Variants in AGAP1 observed in about 807,000 individuals in gnomAD.
The protein encoded by AGAP1 is ArfGAP with GTPase domain, ankyrin repeat and PH domain 1, also known as arf-GAP with GTPase, ANK repeat and PH domain-containing protein 1.
In AGAP1, 29 loss-of-function variants were observed where a neutral mutation model predicts 105.3. That is an observed-to-expected ratio of 0.28 (90% CI 0.21 to 0.38). The LOEUF is 0.38. Ranked by LOEUF, AGAP1 falls within the 10% of genes least tolerant of loss-of-function variation. The pLI is 1.00. For synonymous variants in AGAP1, 509 were observed against 485.9 expected (o/e 1.05, Z -0.63); for missense variants, 998 against 1,165.1 (o/e 0.86, Z 2.09).
chr2:235,820,697 A>G (rs1228488837), intron 9 of AGAP1, among the ~76,000 whole-genome samples: 1 of 152,244 alleles, frequency 6.6e-6, no homozygotes, highest in Non-Finnish European at 1.5e-5. Flanking sequence ...ACAAATATAT[A>G]AAACAGCTAC....
Position 235,691,899 on chromosome 2 carries a change from A to C in AGAP1, c.164-17280A>C, listed in dbSNP as rs1949750617. Among the ~76,000 whole-genome samples the C allele has an allele frequency of 6.6e-6, 1 of 152,202 alleles. No individual in the cohort carries two copies. Among genetic ancestry groups the C allele is most frequent in the Admixed American group, 6.5e-5 (1 of 15,282 alleles). Reference sequence around the variant, plus strand: ...AACTTAGAGGCAAGGCAGGGATGCAAAATCGGAGTTCCTAGTAGAAACAGA... The same window carrying C: ...AACTTAGAGGCAAGGCAGGGATGCACAATCGGAGTTCCTAGTAGAAACAGA... On this transcript the variant is annotated intron_variant, in intron 1 of 17. Coordinates refer to ENST00000304032, the MANE Select transcript of AGAP1 (RefSeq NM_001037131.3). The surrounding 1 kb of genome is among the most constrained non-coding windows in gnomAD (Gnocchi z 4.4).
In AGAP1 at chr2:235,957,816, A is replaced by T. The variant is rs569916304; in HGVS notation, c.1484-10646A>T. ...TGCGTTTTAATTTACGAGTTCCTAC[A>T]ACGACTTCATCTTGAGTTCACAGGG... On this transcript the variant is annotated intron_variant, in intron 12 of 17. Coordinates refer to ENST00000304032, the MANE Select transcript of AGAP1 (RefSeq NM_001037131.3). This position sits in a 1 kb window ranked among gnomAD's most constrained non-coding sequence, Gnocchi z 4.6. 6.6e-6 allele frequency among the ~76,000 whole-genome samples: 1 copy of T among 152,312 alleles called. No homozygotes were observed. The highest frequency in any genetic ancestry group is 2.1e-4 in the South Asian group (1 of 4,818).
intron 6 of AGAP1, among the ~76,000 whole-genome samples, chr2:235,794,663 G>A (rs1957159731): frequency 6.6e-6 from 1 of 152,094 alleles, no homozygotes; most frequent in East Asian, 1.9e-4. Context: ...GTAGAGACGG[G>A]ATTTCACCAT....
intron 6 of AGAP1, among the ~76,000 whole-genome samples, chr2:235,763,570 G>T (rs1575378051): frequency 1.3e-5 from 2 of 152,322 alleles, no homozygotes; most frequent in African/African-American, 4.8e-5. Flanking sequence ...ATCTCTGGAA[G>T]TGAGACTGTG....
rs1235842776 is a variant in AGAP1, at chr2:235,971,414, G to A, written c.1645+2791G>A. ...GTAAAACACCCAAATTAAACATTCT[G>A]TTCTGGCCGGGCACAGTGGCTCACG... is the stretch of plus-strand genomic sequence containing the variant. On this transcript the variant is annotated intron_variant, in intron 13 of 17. Transcript: ENST00000304032. The surrounding 1 kb of genome is among the most constrained non-coding windows in gnomAD (Gnocchi z 4.8). Among the ~76,000 whole-genome samples the A allele has an allele frequency of 6.6e-6, 1 of 152,210 alleles. No homozygotes were observed. Among genetic ancestry groups the A allele is most frequent in the African/African-American group, 2.4e-5 (1 of 41,460 alleles).
intron 1 of AGAP1, among the ~76,000 whole-genome samples, chr2:235,651,529 T>A (rs1003020949): frequency 6.6e-6 from 1 of 152,132 alleles, no homozygotes; most frequent in Non-Finnish European, 1.5e-5. Flanking sequence ...AACCAATTAA[T>A]CTGAAACGCT....
chr2:235,730,555 C>T (rs1372220281), intron 3 of AGAP1, among the ~76,000 whole-genome samples: 2 of 151,008 alleles, frequency 1.3e-5, no homozygotes, highest in Non-Finnish European at 2.9e-5. Context: ...CATCATAGCC[C>T]ACTATACCTT....
At position 236,104,410 on chromosome 2, in the gene AGAP1, A is replaced by G. The variant is rs2059433310; in HGVS notation, c.2115-15782A>G. ...GACCTCAATCCTGCAGCCTCATCAA[A>G]TGACTCCCCAACAGGGGTGGATCCT... On this transcript the variant is annotated intron_variant, in intron 16 of 17. Transcript: ENST00000304032. The surrounding 1 kb of genome is among the most constrained non-coding windows in gnomAD (Gnocchi z 4.7). 6.6e-6 allele frequency among the ~76,000 whole-genome samples: 1 copy of G among 152,218 alleles called. No homozygotes were observed. Among genetic ancestry groups the G allele is most frequent in the South Asian group, 2.1e-4 (1 of 4,832 alleles).
In AGAP1 at chr2:235,843,452, T is replaced by G. The variant is rs1339112549; in HGVS notation, c.1050+36121T>G. On this transcript the variant is annotated intron_variant, in intron 9 of 17. Transcript: ENST00000304032. This position sits in a 1 kb window ranked among gnomAD's most constrained non-coding sequence, Gnocchi z 5.9. ...GCCCCACTTTCTTCCTGGAAAGGTATTTTCTGGGGCCAGGGAGCAATGTTA... is the reference window on the plus strand; with the variant it reads ...GCCCCACTTTCTTCCTGGAAAGGTAGTTTCTGGGGCCAGGGAGCAATGTTA... Among the ~76,000 whole-genome samples, 3 of 152,158 alleles carry G rather than the reference T, an allele frequency of 2.0e-5. No individual in the cohort carries two copies. In the East Asian group the frequency reaches 5.8e-4, roughly 29 times the overall value.
chr2:236,129,959 T>TG lies in AGAP1; in HGVS notation c.*5839dup, dbSNP rs1210270544. The TG allele has an allele frequency of 6.6e-6, 1 of 152,224 alleles. No individual in the cohort carries two copies. The highest frequency in any genetic ancestry group is 2.4e-5 in the African/African-American group (1 of 41,458). The allele number at this position is 152,224 out of a possible 1,614,324, so 9.4% of individuals were successfully genotyped here. A position where few individuals can be genotyped will look rare whatever the true frequency, so the allele number is the denominator to read the frequency against. The stretch of plus-strand genomic sequence containing the variant: ...GGTTTTGGTGTAAAATGACAGCACT[T>TG]GGTTTGGGGTTTTGCACCTGTTGGG... On this transcript the variant is annotated 3_prime_UTR_variant, in exon 18 of 18. Coordinates refer to ENST00000304032, the MANE Select transcript of AGAP1 (RefSeq NM_001037131.3). The surrounding 1 kb of genome is among the most constrained non-coding windows in gnomAD (Gnocchi z 6.2).
chr2:235,861,510 G>C (rs12473013), intron 9 of AGAP1, among the ~76,000 whole-genome samples: 37,369 of 152,174 alleles, frequency 0.25, 5,158 homozygotes, highest in East Asian at 0.38. Context: ...GAAGGCTTTC[G>C]TAGAGGACAT....
rs767674837 is a variant in AGAP1, at chr2:235,730,000, G to T, written c.311-10963G>T. Among the ~76,000 whole-genome samples the T allele has an allele frequency of 6.6e-6, 1 of 152,074 alleles. No homozygotes were observed. The highest frequency in any genetic ancestry group is 1.5e-5 in the Non-Finnish European group (1 of 68,028). ...AAAAGGCATAGAACAGTCAAATCAC[G>T]TAGGATTTCTTAGTTTCTCCATGCA... On this transcript the variant is annotated intron_variant, in intron 3 of 17. Transcript: ENST00000304032. This position sits in a 1 kb window ranked among gnomAD's most constrained non-coding sequence, Gnocchi z 5.0.
rs971195744 is a variant in AGAP1, at chr2:235,588,903, T to C, written c.163+94054T>C. Among the ~76,000 whole-genome samples the C allele has an allele frequency of 2.2e-4, 34 of 152,292 alleles. 1 individual carries two copies. The highest frequency in any genetic ancestry group is 4.6e-4 in the Non-Finnish European group (31 of 68,022). The stretch of plus-strand genomic sequence containing the variant: ...TGGGAAAGGTCCCGAGTGGCCTGCT[T>C]TCCTGGCTTATTTGAGAATTTTGCC... On this transcript the variant is annotated intron_variant, in intron 1 of 17. Transcript: ENST00000304032.
rs559080418 is a variant in AGAP1, at chr2:235,732,940, C to T, written c.311-8023C>T. On this transcript the variant is annotated intron_variant, in intron 3 of 17. Coordinates refer to ENST00000304032, the MANE Select transcript of AGAP1 (RefSeq NM_001037131.3). The surrounding 1 kb of genome is among the most constrained non-coding windows in gnomAD (Gnocchi z 4.8). ...CCCCAGGGGTGTTGGGGGCATCTTT[C>T]GAGTCTCACTGCCCACGCTGTGGGA... 2.0e-5 allele frequency among the ~76,000 whole-genome samples: 3 copies of T among 152,272 alleles called. No individual in the cohort carries two copies. Among genetic ancestry groups the T allele is most frequent in the Admixed American group, 6.5e-5 (1 of 15,304 alleles).
chr2:235,506,899 G>A lies in AGAP1; in HGVS notation c.163+12050G>A, dbSNP rs200211418. The A allele has an allele frequency of 2.0e-5, 3 of 152,778 alleles. No homozygotes were observed. The East Asian group carries it at 5.8e-4, about 30-fold the overall frequency. 9.5% of individuals were successfully genotyped at this position (152,778 alleles called of 1,614,324 possible). On this transcript the variant is annotated intron_variant, in intron 1 of 17. Transcript: ENST00000304032. ...CGTCTGCCCACAGGGTATGGGCAAG[G>A]TTTGTTTTGGTGACTTTTTCTTCCA...
rs1026061153 is a variant in AGAP1, at chr2:235,787,821, G to C, written c.674-9938G>C. ...CCAAGAGCAAGCTGAAGAGCATTCT[G>C]GGATCAAGAAGATGACCAAGTACAT... is the stretch of plus-strand genomic sequence containing the variant. On this transcript the variant is annotated intron_variant, in intron 6 of 17. Transcript: ENST00000304032. The surrounding 1 kb of genome is among the most constrained non-coding windows in gnomAD (Gnocchi z 4.4). Among the ~76,000 whole-genome samples, 6 of 152,110 alleles carry C rather than the reference G, an allele frequency of 3.9e-5. No individual in the cohort carries two copies. The highest frequency in any genetic ancestry group is 1.4e-4 in the African/African-American group (6 of 41,408).
At position 235,864,359 on chromosome 2, in the gene AGAP1, G is replaced by T. The variant is rs2049060081; in HGVS notation, c.1051-18986G>T. ...GGTGTGCTTCCTAGGCAGGCAGTTGGATTCTGTTTAATTTTCTTTAGCTAT... is the reference window on the plus strand; with the variant it reads ...GGTGTGCTTCCTAGGCAGGCAGTTGTATTCTGTTTAATTTTCTTTAGCTAT... On this transcript the variant is annotated intron_variant, in intron 9 of 17. Coordinates refer to ENST00000304032, the MANE Select transcript of AGAP1 (RefSeq NM_001037131.3). This position sits in a 1 kb window ranked among gnomAD's most constrained non-coding sequence, Gnocchi z 5.0. Among the ~76,000 whole-genome samples, 1 of 152,210 alleles carries T rather than the reference G, an allele frequency of 6.6e-6. No individual in the cohort carries two copies. The highest frequency in any genetic ancestry group is 2.4e-5 in the African/African-American group (1 of 41,444).
chr2:235,763,304 A>C (rs1270701133), intron 6 of AGAP1, among the ~76,000 whole-genome samples: 1 of 152,104 alleles, frequency 6.6e-6, no homozygotes, highest in African/African-American at 2.4e-5. Flanking sequence ...ATTCCACAAA[A>C]AAAAAAAAAT....
chr2:235,581,448 C>CTT (rs60302284), intron 1 of AGAP1, among the ~76,000 whole-genome samples: 27 of 136,138 alleles, frequency 2.0e-4, no homozygotes, highest in East Asian at 8.5e-4. Context: ...TTATATTGTT[C>CTT]TTTTTTTTTT....
Sources: gnomAD v4.1 joint callset for allele counts (sites outside exome capture counted in the v4.1 genomes callset) on GRCh38, gnomAD v4.1.1 for gene constraint, Gnocchi (gnomAD v3.1) non-coding constraint, MANE v1.5 for transcripts, NCBI Gene and HGNC (gene_info 2026-07-23, HGNC 2026-07-21) for gene names.